Variants in TMEM132B observed in about 807,000 individuals in gnomAD.
The protein encoded by TMEM132B is transmembrane protein 132B.
Under a neutral mutation model 90.8 loss-of-function variants are expected in TMEM132B, and 18 were observed. The observed-to-expected ratio is 0.20, with a 90% confidence interval of 0.14 to 0.29. TMEM132B has a LOEUF of 0.29. Ranked by LOEUF, TMEM132B falls within the 10% of genes least tolerant of loss-of-function variation. The pLI is 1.00. For synonymous variants in TMEM132B, 504 were observed against 523.3 expected (o/e 0.96, Z 0.50); for missense variants, 1,096 against 1,326.8 (o/e 0.83, Z 2.70).
At chr12:125,648,017 A>T (rs1886810484) in intron 6 of TMEM132B, among the ~76,000 whole-genome samples, 1 of 149,260 alleles carries the variant, frequency 6.7e-6, no homozygotes, top group African/African-American at 2.5e-5. Context: ...CTCGTCATCT[A>T]GCATTAGGTA....
At chr12:125,319,769 C>T (rs1466064757) in intron 1 of TMEM132B, among the ~76,000 whole-genome samples, 1 of 152,170 alleles carries the variant, frequency 6.6e-6, no homozygotes, top group African/African-American at 2.4e-5. Context: ...AATCCCAGCC[C>T]TGTGGGAGGC....
intron 1 of TMEM132B, among the ~76,000 whole-genome samples, chr12:125,270,108 T>TGTG (rs1238737669): frequency 1.1e-5 from 1 of 92,288 alleles, no homozygotes; most frequent in African/African-American, 4.7e-5. Context: ...ATCTCACATC[T>TGTG]TTGTTGTGTG....
chr12:125,224,768 G>C (rs968925792), intron 1 of TMEM132B, among the ~76,000 whole-genome samples: 7 of 152,156 alleles, frequency 4.6e-5, no homozygotes, highest in Non-Finnish European at 8.8e-5. Context: ...GCCTTTTCTG[G>C]CCACTTAAAA....
chr12:125,547,206 A>G (rs1332427847), intron 4 of TMEM132B, among the ~76,000 whole-genome samples: 1 of 152,208 alleles, frequency 6.6e-6, no homozygotes, highest in East Asian at 1.9e-4. Context: ...TTAATTTTGT[A>G]AGAAACTGCC....
At chr12:125,456,675 C>T (rs1881301036) in intron 3 of TMEM132B, among the ~76,000 whole-genome samples, 1 of 152,150 alleles carries the variant, frequency 6.6e-6, no homozygotes, top group African/African-American at 2.4e-5. Flanking sequence ...CACCAGGCTG[C>T]ATCAGGTTCT....
At position 125,559,238 on chromosome 12, in the gene TMEM132B, C is replaced by A. The variant is rs867179995; in HGVS notation, c.1294-24613C>A. ...AAAATTAGCGGGGTGTGGTGGCTCA[C>A]ACCTGTAGTCCTACCACTCAGGAGG... is the stretch of plus-strand genomic sequence containing the variant. On this transcript the variant is annotated intron_variant, in intron 4 of 8. Transcript: ENST00000682704. Among the ~76,000 whole-genome samples the A allele has an allele frequency of 5.8e-4, 88 of 152,080 alleles. 1 individual carries two copies. The highest frequency in any genetic ancestry group is 2.1e-3 in the African/African-American group (85 of 41,412).
At chr12:125,494,585 C>T (rs1327174007) in intron 3 of TMEM132B, among the ~76,000 whole-genome samples, 7 of 130,934 alleles carry the variant, frequency 5.3e-5, no homozygotes, top group African/African-American at 8.7e-5. Context: ...TGCGTCCCTC[C>T]TCCCCCTCCT....
At chr12:125,254,191 A>G (rs1332189437) in intron 1 of TMEM132B, among the ~76,000 whole-genome samples, 1 of 152,040 alleles carries the variant, frequency 6.6e-6, no homozygotes, top group Admixed American at 6.5e-5. Context: ...CAGAAAGCTG[A>G]GGTGGGAGGA....
intron 2 of TMEM132B, among the ~76,000 whole-genome samples, chr12:125,384,990 C>T (rs1219622587): frequency 6.6e-6 from 1 of 152,154 alleles, no homozygotes; most frequent in Non-Finnish European, 1.5e-5. Flanking sequence ...CTTTCCCCAT[C>T]CTCTCAGCTC....
chr12:125,561,036 G>T (rs928937844), intron 4 of TMEM132B, among the ~76,000 whole-genome samples: 1 of 151,906 alleles, frequency 6.6e-6, no homozygotes, highest in Non-Finnish European at 1.5e-5. Context: ...ATACCCAAAG[G>T]ATTATAAATC....
intron 4 of TMEM132B, among the ~76,000 whole-genome samples, chr12:125,565,811 C>T (rs1180215682): frequency 1.3e-5 from 2 of 152,136 alleles, no homozygotes; most frequent in South Asian, 2.1e-4. Context: ...TATATGAGTA[C>T]AGGACAGGGG....
At chr12:125,583,211 A>G (rs1029307513) in intron 4 of TMEM132B, among the ~76,000 whole-genome samples, 6 of 152,154 alleles carry the variant, frequency 3.9e-5, no homozygotes, top group Non-Finnish European at 8.8e-5. Context: ...ATGAACATAT[A>G]TTAGAACCTA....
rs958296959 is a variant in TMEM132B at position 125,661,681 on chromosome 12, T to G, written c.*6971T>G. On this transcript the variant is annotated 3_prime_UTR_variant, in exon 9 of 9. Coordinates refer to ENST00000682704, the MANE Select transcript of TMEM132B (RefSeq NM_001366854.1). The stretch of plus-strand genomic sequence containing the variant: ...TCCATTACAGGGGTCTTCTAGGTAT[T>G]CCCCACACATTATTTGTGGGCATAA... The G allele has an allele frequency of 6.6e-6, 1 of 152,164 alleles. No homozygotes were observed. Among genetic ancestry groups the G allele is most frequent in the African/African-American group, 2.4e-5 (1 of 41,438 alleles). The allele number at this position is 152,164 out of a possible 1,614,324, so 9.4% of individuals were successfully genotyped here.
intron 4 of TMEM132B, among the ~76,000 whole-genome samples, chr12:125,532,973 T>G (rs1384486433): frequency 1.3e-5 from 2 of 152,224 alleles, no homozygotes; most frequent in African/African-American, 4.8e-5. Flanking sequence ...GATATTTATG[T>G]TTGGTAAACC....
At position 125,359,372 on chromosome 12, in the gene TMEM132B, T is replaced by C. The variant is rs998882882; in HGVS notation, c.959+9029T>C. ...CAATCTATAATATACTTTAGCACTG[T>C]TAAATATGTACCATTATATGTAATC... On this transcript the variant is annotated intron_variant, in intron 2 of 8. Transcript: ENST00000682704. Among the ~76,000 whole-genome samples the C allele has an allele frequency of 3.9e-5, 6 of 152,212 alleles. No individual in the cohort carries two copies. In the East Asian group the frequency reaches 1.2e-3, roughly 29 times the overall value.
chr12:125,358,788 G>A (rs79138828), intron 2 of TMEM132B, among the ~76,000 whole-genome samples: 1,747 of 152,092 alleles, frequency 0.011, 35 homozygotes, highest in African/African-American at 0.039. Context: ...CTTTGTAGTT[G>A]GTAATAATAA....
At chr12:125,304,510 C>T (rs1223021770) in intron 1 of TMEM132B, among the ~76,000 whole-genome samples, 1 of 151,652 alleles carries the variant, frequency 6.6e-6, no homozygotes, top group Non-Finnish European at 1.5e-5. Context: ...AAGATTTTGC[C>T]CTTAGGTTTT....
At chr12:125,236,850 G>C (rs559561586) in intron 1 of TMEM132B, among the ~76,000 whole-genome samples, 1 of 152,226 alleles carries the variant, frequency 6.6e-6, no homozygotes, top group Non-Finnish European at 1.5e-5. Context: ...TCTGAACTTA[G>C]GTCTTTCCAA....
chr12:125,274,280 G>A lies in TMEM132B; in HGVS notation c.68-75172G>A, dbSNP rs117135060. The stretch of plus-strand genomic sequence containing the variant: ...TCTAGGAATGTTCCAGGATTTATCC[G>A]TTTTACAGCTGACATTTGGGTTGTT... On this transcript the variant is annotated intron_variant, in intron 1 of 8. Transcript: ENST00000682704. Among the ~76,000 whole-genome samples, 1,476 of 152,206 alleles carry A rather than the reference G, an allele frequency of 9.7e-3. 25 individuals are homozygous for A. The highest frequency in any genetic ancestry group is 0.073 in the South Asian group (354 of 4,820).
Sources: gnomAD v4.1 joint callset for allele counts (sites outside exome capture counted in the v4.1 genomes callset) on GRCh38, gnomAD v4.1.1 for gene constraint, MANE v1.5 for transcripts, NCBI Gene and HGNC (gene_info 2026-07-23, HGNC 2026-07-21) for gene names.